CAMK1: variants seen among roughly 807,000 people sequenced by gnomAD.
CAMK1 encodes calcium/calmodulin-dependent protein kinase type 1.
In CAMK1, 39 loss-of-function variants were observed where a neutral mutation model predicts 49.1. That is an observed-to-expected ratio of 0.79 (90% CI 0.62 to 1.04). The LOEUF (loss-of-function observed/expected upper bound fraction) is 1.04. CAMK1 is among the 50% of genes least tolerant of loss of function. The pLI, the probability that CAMK1 is intolerant of heterozygous loss-of-function variation, is 0.00. For missense variants in CAMK1, 457 were observed against 472.2 expected (o/e 0.97, Z 0.30); for synonymous variants, 192 against 185.2 (o/e 1.04, Z -0.30).
rs2077980231 is a variant in CAMK1 at position 9,763,337 on chromosome 3, C to CT, written c.216-125dup. On this transcript the variant is annotated intron_variant, in intron 3 of 11. Transcript: ENST00000256460. ...GGCCCCAGCAGTTCAAAGCTGCAGT[C>CT]TGTTATGATTGCACCTGTGACTAGC... The CT allele has an allele frequency of 5.2e-6, 6 of 1,148,400 alleles. No homozygotes were observed. In the Admixed American group the frequency reaches 1.2e-4, roughly 23 times the overall value. The allele number at this position is 1,148,400 out of a possible 1,614,324, so 71.1% of individuals were successfully genotyped here.
At chr3:9,764,198 T>C (rs962113521) in intron 3 of CAMK1, among the ~76,000 whole-genome samples, 2 of 152,060 alleles carry the variant, frequency 1.3e-5, no homozygotes, top group African/African-American at 4.8e-5. Context: ...CCTCAAAGAG[T>C]TGGAGTGAGG....
chr3:9,767,754 C>T lies in CAMK1; in HGVS notation c.-5G>A, dbSNP rs1559706480. The T allele has an allele frequency of 6.2e-7, 1 of 1,613,948 alleles. No individual in the cohort carries two copies. Among genetic ancestry groups the T allele is most frequent in the Non-Finnish European group, 8.5e-7 (1 of 1,180,000 alleles). On this transcript the variant is annotated 5_prime_UTR_variant, in exon 2 of 12. Coordinates refer to ENST00000256460, the MANE Select transcript of CAMK1 (RefSeq NM_003656.5). ...GCCTTCCACTGCCCCCAGCATGGCC[C>T]ACTGCCCCCCGACCACAGCCAGGGC...
intron 1 of CAMK1, among the ~76,000 whole-genome samples, chr3:9,768,310 T>C (rs1559706943): frequency 6.6e-6 from 1 of 152,198 alleles, no homozygotes; most frequent in Non-Finnish European, 1.5e-5. Flanking sequence ...CTTTCTGCAC[T>C]GTTACCACAG....
At chr3:9,762,841 G>T in intron 5 of CAMK1, 73 bp downstream of exon 5, 1 of 1,507,584 alleles carries the variant, frequency 6.6e-7, no homozygotes, top group Non-Finnish European at 9.1e-7. Flanking sequence ...AGTTGCCCAA[G>T]GTCAGACAGT....
intron 4 of CAMK1, 36 bp from the exon 5 acceptor site, chr3:9,763,088 T>C: frequency 1.2e-6 from 2 of 1,613,766 alleles, no homozygotes; most frequent in Non-Finnish European, 1.7e-6. Flanking sequence ...GCAAAGAGGG[T>C]TGGGACAGCT....
intron 9 of CAMK1, 31 bp downstream of exon 9, chr3:9,759,641 G>T (rs56046762): frequency 6.2e-7 from 1 of 1,614,000 alleles, no homozygotes; most frequent in Admixed American, 1.7e-5. Flanking sequence ...CCCAAATCCC[G>T]CCCCAGCTCA....
At chr3:9,766,517 G>A in intron 2 of CAMK1, 1 of 415,482 alleles carries the variant, frequency 2.4e-6, no homozygotes, top group South Asian at 2.3e-5. Flanking sequence ...AAAACTTTAG[G>A]CCCTGCCCCA....
At chr3:9,760,938 G>C (rs2077834279) in intron 7 of CAMK1, 170 bp from the exon 8 acceptor site, 3 of 1,030,892 alleles carry the variant, frequency 2.9e-6, no homozygotes, top group Non-Finnish European at 4.1e-6. Context: ...TATCCTTTCT[G>C]TTCCTTGTAT....
At chr3:9,763,285 TG>T in intron 3 of CAMK1, 72 bp from the exon 4 acceptor site, 1 of 1,598,066 alleles carries the variant, frequency 6.3e-7, no homozygotes, top group African/African-American at 1.3e-5. Context: ...CTTGGGAACT[TG>T]GGAGGCTGAG....
At chr3:9,766,322 C>A in intron 2 of CAMK1, 1 of 692,616 alleles carries the variant, frequency 1.4e-6, no homozygotes, top group South Asian at 1.5e-5. Context: ...CTGAGGTCTA[C>A]CCCTGGGCTT....
At chr3:9,760,957 A>G (rs977641075) in intron 7 of CAMK1, 189 bp from the exon 8 acceptor site, 1 of 826,158 alleles carries the variant, frequency 1.2e-6, no homozygotes, top group Non-Finnish European at 1.8e-6. Context: ...ATGTGCCGCC[A>G]TCTTGCCCTC....
rs771056998 is a variant in CAMK1 at position 9,767,683 on chromosome 3, G to C, written c.67C>G (p.Arg23Gly). 4.3e-6 allele frequency: 7 copies of C among 1,614,082 alleles called. No homozygotes were observed. Among genetic ancestry groups the C allele is most frequent in the Admixed American group, 1.7e-5 (1 of 60,018 alleles). ...TGGACTCACGTGCCCAGAACATCTC[G>C]GAAGTCGTAGATGTCTCTAATGTCC... is the stretch of plus-strand genomic sequence containing the variant. ...AEDIRDIYDF[R>G]DVLGTGAFSE... is the part of the protein sequence containing the mutation. Residue 23 changes from arginine (R) to glycine (G), a missense_variant, in exon 2 of 12, where the codon CGA becomes GGA. Coordinates refer to ENST00000256460, the MANE Select transcript of CAMK1 (RefSeq NM_003656.5).
chr3:9,761,205 A>G (rs951427623), intron 7 of CAMK1: 1 of 437,872 alleles, frequency 2.3e-6, no homozygotes, highest in African/African-American at 2.0e-5. Context: ...TGTCTTCCCT[A>G]CTAGAAAGAA....
At chr3:9,761,597 C>G (rs746247676) in intron 6 of CAMK1, 34 bp downstream of exon 6, 2 of 1,613,638 alleles carry the variant, frequency 1.2e-6, no homozygotes, top group Admixed American at 1.7e-5. Context: ...TGGTTCCCCC[C>G]ACCATCACAG....
chr3:9,757,618 G>A lies in CAMK1; in HGVS notation c.1034C>T (p.Pro345Leu), dbSNP rs747559252. The change falls in exon 12 of 12, where the codon CCG becomes CTG. Residue 345 changes from proline to leucine, a missense_variant. Coordinates refer to ENST00000256460, the MANE Select transcript of CAMK1 (RefSeq NM_003656.5). This position sits in a 1 kb window ranked among gnomAD's most constrained non-coding sequence, Gnocchi z 4.5. Reference sequence around the variant, plus strand: ...GTCTCGACAGCAACAGCCAGCTGCCGGCCCTGCATGGGAAGACAGAACAGA... The same window carrying A: ...GTCTCGACAGCAACAGCCAGCTGCCAGCCCTGCATGGGAAGACAGAACAGA... ...GELLTPVAGG[P>L]AAGCCCRDCC... 11 of 1,614,162 alleles carry A rather than the reference G, an allele frequency of 6.8e-6. No homozygotes were observed. Among genetic ancestry groups the A allele is most frequent in the Admixed American group, 3.3e-5 (2 of 60,020 alleles).
intron 1 of CAMK1, among the ~76,000 whole-genome samples, chr3:9,768,586 G>C (rs1553705830): frequency 6.6e-6 from 1 of 152,180 alleles, no homozygotes; most frequent in Non-Finnish European, 1.5e-5. Flanking sequence ...ACCTGGCCTG[G>C]GGCCCCCAGC....
Position 9,757,718 on chromosome 3 carries a change from C to T in CAMK1, c.1030+11G>A. The T allele has an allele frequency of 1.2e-6, 2 of 1,614,106 alleles. No individual in the cohort carries two copies. The highest frequency in any genetic ancestry group is 1.7e-6 in the Non-Finnish European group (2 of 1,180,018). ...GACCACCCATGCCCTTCTGCAGAGC[C>T]CGCTCCTCACCCCCAGCCACTGGTG... On this transcript the variant is annotated intron_variant, in intron 11 of 11. Coordinates refer to ENST00000256460, the MANE Select transcript of CAMK1 (RefSeq NM_003656.5). This position sits in a 1 kb window ranked among gnomAD's most constrained non-coding sequence, Gnocchi z 4.5.
At chr3:9,759,324 G>A in intron 10 of CAMK1, 164 bp downstream of exon 10, 1 of 1,577,458 alleles carries the variant, frequency 6.3e-7, no homozygotes, top group Non-Finnish European at 8.7e-7. Context: ...GGTGTTGGGA[G>A]TGTTTGTTGA....
intron 10 of CAMK1, chr3:9,759,229 C>G (rs762378576): frequency 6.2e-7 from 1 of 1,614,104 alleles, no homozygotes; most frequent in African/African-American, 1.3e-5. Flanking sequence ...TCTCGGACCC[C>G]ATAGGCTGGA....
Sources: gnomAD v4.1 joint callset for allele counts (sites outside exome capture counted in the v4.1 genomes callset) on GRCh38, gnomAD v4.1.1 for gene constraint, Gnocchi (gnomAD v3.1) non-coding constraint, MANE v1.5 for transcripts, NCBI Gene and HGNC (gene_info 2026-07-23, HGNC 2026-07-21) for gene names.